The following NELL1 variants were observed in gnomAD, a reference collection of about 807,000 sequenced individuals.
The protein encoded by NELL1 is protein kinase C-binding protein NELL1.
Under a neutral mutation model 107.4 loss-of-function variants are expected in NELL1, and 76 were observed. The observed-to-expected ratio is 0.71, with a 90% CI of 0.59 to 0.86. The LOEUF (loss-of-function observed/expected upper bound fraction) is 0.86, where lower values mean the gene tolerates loss of function less well. Among genes scored for constraint, NELL1 ranks in the 40% least tolerant of loss-of-function variants. The pLI, the probability that NELL1 is intolerant of heterozygous loss-of-function variation, is 0.00. For synonymous variants in NELL1, 353 were observed against 341.2 expected, an observed-to-expected ratio of 1.03 and a Z score of -0.38; for missense variants, 1,024 against 1,005.5, an observed-to-expected ratio of 1.02 and a Z score of -0.25.
intron 15 of NELL1, among the ~76,000 whole-genome samples, chr11:21,412,831 G>A (rs1019889681): frequency 6.6e-6 from 1 of 152,070 alleles, no homozygotes; most frequent in Non-Finnish European, 1.5e-5. Context: ...TAAGGCAGAG[G>A]CCTGCAGCTT....
chr11:21,202,542 GTA>G (rs1857293946), intron 13 of NELL1, among the ~76,000 whole-genome samples: 1 of 151,962 alleles, frequency 6.6e-6, no homozygotes, highest in Admixed American at 6.6e-5. Context: ...CTGGCTAGTG[GTA>G]TATCTATTTT....
At chr11:21,307,434 A>G (rs1263479161) in intron 14 of NELL1, among the ~76,000 whole-genome samples, 1 of 151,946 alleles carries the variant, frequency 6.6e-6, no homozygotes, top group African/African-American at 2.4e-5. Context: ...TTCTTTCTTT[A>G]TTCTACACTT....
rs534313552 is a variant in NELL1 at position 20,762,498 on chromosome 11, G to C, written c.185-21182G>C. On this transcript the variant is annotated intron_variant, in intron 2 of 19. Transcript: ENST00000357134. ...ATTAGGGCATAAAAAAGATAAAATA[G>C]TTATTATTTTGACATTTTTGAAGAA... 3.8e-4 allele frequency among the ~76,000 whole-genome samples: 58 copies of C among 152,276 alleles called. No individual in the cohort carries two copies. The South Asian group carries it at 0.012, about 31-fold the overall frequency.
chr11:20,699,248 A>T (rs1854706987), intron 2 of NELL1, among the ~76,000 whole-genome samples: 1 of 151,808 alleles, frequency 6.6e-6, no homozygotes, highest in Non-Finnish European at 1.5e-5. Flanking sequence ...AACAAACAAA[A>T]AAGAATAACG....
chr11:20,785,279 C>T (rs1360107522), intron 3 of NELL1, among the ~76,000 whole-genome samples: 1 of 152,144 alleles, frequency 6.6e-6, no homozygotes, highest in Non-Finnish European at 1.5e-5. Context: ...GGTGATGGAC[C>T]CTGATCATTT....
At position 21,229,529 on chromosome 11, in the gene NELL1, T is replaced by C. The variant is rs1857988119; in HGVS notation, c.1549+75T>C. On this transcript the variant is annotated intron_variant, in intron 14 of 19. Coordinates refer to ENST00000357134, the MANE Select transcript of NELL1 (RefSeq NM_006157.5). ...CTCTTGGCACTTGTGCGTCGGACCTTCTTGGTAACTCTTGGTGGAACACAG... is the reference window on the plus strand; with the variant it reads ...CTCTTGGCACTTGTGCGTCGGACCTCCTTGGTAACTCTTGGTGGAACACAG... 3.8e-6 allele frequency: 6 copies of C among 1,574,488 alleles called. No homozygotes were observed. In the South Asian group the frequency reaches 4.6e-5, roughly 12 times the overall value.
rs58861508 is a variant in NELL1 at position 21,047,325 on chromosome 11, C to T, written c.1301-66264C>T. On this transcript the variant is annotated intron_variant, in intron 12 of 19. Coordinates refer to ENST00000357134, the MANE Select transcript of NELL1 (RefSeq NM_006157.5). ...GAAAAAATGATAGTATGCATCCCCC[C>T]GTTTTTTTGTTTATAATTTAATGGA... Among the ~76,000 whole-genome samples the T allele has an allele frequency of 4.1e-3, 630 of 152,146 alleles. 2 individuals are homozygous for T. Among genetic ancestry groups the T allele is most frequent in the African/African-American group, 0.013 (537 of 41,514 alleles).
chr11:21,088,057 CTCTGTGTGTGTG>C (rs1396185829), intron 12 of NELL1, among the ~76,000 whole-genome samples: 49 of 119,616 alleles, frequency 4.1e-4, no homozygotes, highest in African/African-American at 1.5e-3. Flanking sequence ...GTCCCAGTAG[CTCTGTGTGTGTG>C]TGTGTGTGTG....
At chr11:20,877,324 T>C (rs1335962294) in intron 4 of NELL1, among the ~76,000 whole-genome samples, 4 of 152,254 alleles carry the variant, frequency 2.6e-5, no homozygotes, top group Admixed American at 2.6e-4. Context: ...CTTCATATTG[T>C]CTTATTGAAC....
chr11:21,429,145 T>C lies in NELL1; in HGVS notation c.1645+58197T>C, dbSNP rs191459214. Among the ~76,000 whole-genome samples the C allele has an allele frequency of 3.3e-5, 5 of 152,322 alleles. No individual in the cohort carries two copies. The East Asian group carries it at 5.8e-4, about 18-fold the overall frequency. On this transcript the variant is annotated intron_variant, in intron 15 of 19. Transcript: ENST00000357134. ...ATTCTACATTTACATTCACAGGAAA[T>C]GTTTTTAATTTATTCATGTAAAAAA...
intron 15 of NELL1, among the ~76,000 whole-genome samples, chr11:21,395,406 A>G (rs1248951079): frequency 6.6e-6 from 1 of 151,584 alleles, no homozygotes; most frequent in Non-Finnish European, 1.5e-5. Flanking sequence ...GATCAAGCAG[A>G]TTATGAAATG....
At chr11:20,956,526 G>GT (rs1319599544) in intron 11 of NELL1, among the ~76,000 whole-genome samples, 1 of 151,438 alleles carries the variant, frequency 6.6e-6, no homozygotes, top group Admixed American at 6.6e-5. Context: ...GGCGCCCGTA[G>GT]TCCCGGCTAC....
chr11:20,822,344 T>A (rs559607216), intron 3 of NELL1, among the ~76,000 whole-genome samples: 11 of 152,334 alleles, frequency 7.2e-5, no homozygotes, highest in Admixed American at 3.9e-4. Flanking sequence ...GTATAGCAGA[T>A]GGAAGCCATT....
intron 10 of NELL1, among the ~76,000 whole-genome samples, chr11:20,945,379 G>C (rs757190185): frequency 3.9e-5 from 6 of 152,210 alleles, no homozygotes; most frequent in Non-Finnish European, 7.3e-5. Context: ...TGGGTCATAC[G>C]CATGGGAGTT....
chr11:21,545,954 G>A (rs549479597), intron 16 of NELL1, among the ~76,000 whole-genome samples: 3 of 152,060 alleles, frequency 2.0e-5, no homozygotes, highest in East Asian at 3.9e-4. Flanking sequence ...GCTCTCATTG[G>A]TTGATTCTGA....
intron 3 of NELL1, among the ~76,000 whole-genome samples, chr11:20,841,217 A>C (rs1352138536): frequency 6.6e-6 from 1 of 152,132 alleles, no homozygotes; most frequent in Non-Finnish European, 1.5e-5. Flanking sequence ...CCACCCAATA[A>C]GGCCTCAGAA....
chr11:20,834,367 G>GT (rs1241409136), intron 3 of NELL1, among the ~76,000 whole-genome samples: 28 of 152,162 alleles, frequency 1.8e-4, no homozygotes, highest in Admixed American at 4.6e-4. Context: ...AGAATTAGGA[G>GT]TTATGTGTTG....
chr11:21,234,421 A>G (rs1363781412), intron 14 of NELL1, among the ~76,000 whole-genome samples: 2 of 152,170 alleles, frequency 1.3e-5, no homozygotes, highest in African/African-American at 4.8e-5. Context: ...CATGTGGCCC[A>G]CCAACTTTGG....
At chr11:21,555,931 G>A (rs1220738259) in intron 16 of NELL1, among the ~76,000 whole-genome samples, 2 of 151,904 alleles carry the variant, frequency 1.3e-5, no homozygotes, top group African/African-American at 2.4e-5. Context: ...GCACATGATA[G>A]AGCATGGCTG....
Sources: allele counts gnomAD v4.1 joint callset (sites outside exome capture counted in the v4.1 genomes callset), GRCh38; gene constraint gnomAD v4.1.1; transcripts MANE v1.5; gene names NCBI Gene and HGNC (gene_info 2026-07-23, HGNC 2026-07-21).